The following SBSPON variants were observed in gnomAD, a reference collection of about 807,000 sequenced individuals.
SBSPON encodes somatomedin B and thrombospondin type 1 domain containing, also known as somatomedin-B and thrombospondin type-1 domain-containing protein.
Under a neutral mutation model 35.8 loss-of-function variants are expected in SBSPON, and 30 were observed. The observed-to-expected ratio is 0.84, with a 90% confidence interval of 0.63 to 1.14. The LOEUF (loss-of-function observed/expected upper bound fraction) is 1.14. Ranked by LOEUF, SBSPON falls within the 50% of genes most tolerant of loss-of-function variation. SBSPON has a pLI of 0.00. For missense variants in SBSPON, 364 were observed against 357.7 expected (o/e 1.02, Z -0.14); for synonymous variants, 136 against 135.9 (o/e 1.00, Z 0.00).
chr8:73,072,975 G>A (rs1332929104), intron 2 of SBSPON, among the ~76,000 whole-genome samples: 2 of 152,088 alleles, frequency 1.3e-5, no homozygotes, highest in African/African-American at 2.4e-5. Flanking sequence ...TATTGTGTTT[G>A]TGTGTCTCCT....
intron 3 of SBSPON, among the ~76,000 whole-genome samples, chr8:73,070,481 C>T (rs1025380938): frequency 6.6e-6 from 1 of 152,228 alleles, no homozygotes; most frequent in African/African-American, 2.4e-5. Flanking sequence ...CTTCCCCACC[C>T]TCTCCACCCA....
intron 4 of SBSPON, among the ~76,000 whole-genome samples, chr8:73,068,780 C>G (rs1050270794): frequency 1.3e-5 from 2 of 152,208 alleles, no homozygotes; most frequent in Non-Finnish European, 2.9e-5. Flanking sequence ...CAGGGGTCCC[C>G]AAACTAGGAC....
chr8:73,077,863 C>G (rs946699709), intron 2 of SBSPON, among the ~76,000 whole-genome samples: 1 of 152,218 alleles, frequency 6.6e-6, no homozygotes, highest in Non-Finnish European at 1.5e-5. Context: ...CAAATCCTCT[C>G]TCTCTCTTAT....
intron 1 of SBSPON, among the ~76,000 whole-genome samples, chr8:73,086,955 G>A (rs1032911001): frequency 2.0e-5 from 3 of 152,166 alleles, no homozygotes; most frequent in Non-Finnish European, 4.4e-5. Context: ...TGAAGCCATG[G>A]ATAACATCAC....
chr8:73,093,129 G>T lies in SBSPON; in HGVS notation c.-62C>A. ...CCCCGGGGCAAGCGCTCTGATCCTC[G>T]GCTGGCCGCGGCCCGGGAGCTGCCC... On this transcript the variant is annotated 5_prime_UTR_variant, in exon 1 of 5. Coordinates refer to ENST00000297354, the MANE Select transcript of SBSPON (RefSeq NM_153225.4). 1 of 924,038 alleles carries T rather than the reference G, an allele frequency of 1.1e-6. No homozygotes were observed. The highest frequency in any genetic ancestry group is 1.4e-6 in the Non-Finnish European group (1 of 713,872). 57.2% of individuals were successfully genotyped at this position (924,038 alleles called of 1,614,324 possible). A position where few individuals can be genotyped will look rare whatever the true frequency, so the allele number is the denominator to read the frequency against.
chr8:73,071,045 G>A (rs1810484679), intron 3 of SBSPON, among the ~76,000 whole-genome samples: 1 of 152,116 alleles, frequency 6.6e-6, no homozygotes, highest in Non-Finnish European at 1.5e-5. Context: ...TCATAGAGAT[G>A]GGGTTCTCAC....
Position 73,093,117 on chromosome 8 carries a change from G to C in SBSPON, c.-50C>G. 1.9e-6 allele frequency: 2 copies of C among 1,069,544 alleles called. No individual in the cohort carries two copies. Among genetic ancestry groups the C allele is most frequent in the Non-Finnish European group, 2.4e-6 (2 of 834,700 alleles). 66.3% of individuals were successfully genotyped at this position (1,069,544 alleles called of 1,614,324 possible). On this transcript the variant is annotated 5_prime_UTR_variant, in exon 1 of 5. Transcript: ENST00000297354. Reference sequence around the variant, plus strand: ...GACGCGACAGACCCCCGGGGCAAGCGCTCTGATCCTCGGCTGGCCGCGGCC... The same window carrying C: ...GACGCGACAGACCCCCGGGGCAAGCCCTCTGATCCTCGGCTGGCCGCGGCC...
intron 1 of SBSPON, among the ~76,000 whole-genome samples, chr8:73,086,247 G>A (rs1159686076): frequency 2.0e-5 from 3 of 151,246 alleles, no homozygotes; most frequent in South Asian, 2.1e-4. Context: ...TGCAACCTCC[G>A]CCTCCTGAGT....
At chr8:73,086,398 G>A (rs556950550) in intron 1 of SBSPON, among the ~76,000 whole-genome samples, 1 of 152,216 alleles carries the variant, frequency 6.6e-6, no homozygotes, top group Admixed American at 6.5e-5. Flanking sequence ...CTGACTTCAG[G>A]TGATCCTTCC....
intron 2 of SBSPON, among the ~76,000 whole-genome samples, chr8:73,079,665 G>T (rs1401113219): frequency 1.3e-5 from 2 of 151,830 alleles, no homozygotes; most frequent in African/African-American, 4.8e-5. Context: ...CCCCAAGACC[G>T]AGGGGAATCA....
intron 1 of SBSPON, among the ~76,000 whole-genome samples, chr8:73,090,114 G>A (rs1373796222): frequency 1.3e-5 from 2 of 152,196 alleles, no homozygotes; most frequent in Admixed American, 6.5e-5. Flanking sequence ...CTGAGCTCAG[G>A]CAATCCATCT....
At chr8:73,075,252 T>C (rs7015175) in intron 2 of SBSPON, among the ~76,000 whole-genome samples, 103,041 of 152,088 alleles carry the variant, frequency 0.68, 35,828 homozygotes, top group East Asian at 0.87. Flanking sequence ...GCAAGCCAGG[T>C]ACCCAGGGCT....
chr8:73,072,624 G>A (rs141324224), intron 2 of SBSPON, among the ~76,000 whole-genome samples: 13 of 152,290 alleles, frequency 8.5e-5, no homozygotes, highest in African/African-American at 1.4e-4. Flanking sequence ...AGCCGACATC[G>A]CGCCCCTGCA....
intron 1 of SBSPON, among the ~76,000 whole-genome samples, chr8:73,092,157 A>C (rs1810946948): frequency 6.6e-6 from 1 of 152,222 alleles, no homozygotes; most frequent in Non-Finnish European, 1.5e-5. Context: ...GTTGAAAAAG[A>C]CTGACCCTAA....
chr8:73,069,748 G>T, intron 4 of SBSPON, 57 bp downstream of exon 4: 1 of 1,416,682 alleles, frequency 7.1e-7, no homozygotes, highest in Non-Finnish European at 1.0e-6. Context: ...ACATGGAGAG[G>T]ACAGATTTCT....
At chr8:73,073,035 C>G (rs1810527508) in intron 2 of SBSPON, among the ~76,000 whole-genome samples, 1 of 152,176 alleles carries the variant, frequency 6.6e-6, no homozygotes, top group South Asian at 2.1e-4. Context: ...ATAATAACAC[C>G]TATAGGTGTC....
At chr8:73,074,485 C>T (rs776124041) in intron 2 of SBSPON, 1 of 470,930 alleles carries the variant, frequency 2.1e-6, no homozygotes, top group Non-Finnish European at 2.8e-6. Flanking sequence ...AAAATTATGG[C>T]ACAGAGAGGT....
At position 73,069,830 on chromosome 8, in the gene SBSPON, AACAACGAAGGCTC is replaced by A; in HGVS notation, c.639_651del (p.Ser214LeufsTer33). On this transcript the variant is annotated frameshift_variant, in exon 4 of 5. Coordinates refer to ENST00000297354, the MANE Select transcript of SBSPON (RefSeq NM_153225.4). LOFTEE classifies it high-confidence loss of function. ...CCATCGGAGTCCAGGCCATCTCCAG[AACAACGAAGGCTC>A]ACAGAGTTCATAGCTGGAGGCTGAC... 1 of 1,614,108 alleles carries A rather than the reference AACAACGAAGGCTC, an allele frequency of 6.2e-7. No homozygotes were observed. Among genetic ancestry groups the A allele is most frequent in the Non-Finnish European group, 8.5e-7 (1 of 1,179,898 alleles).
At chr8:73,070,191 G>A (rs2129988030) in intron 3 of SBSPON, among the ~76,000 whole-genome samples, 1 of 152,236 alleles carries the variant, frequency 6.6e-6, no homozygotes, top group East Asian at 1.9e-4. Context: ...AAGAACCTTT[G>A]TGCCCTTTTT....
Sources: gnomAD v4.1 joint callset for allele counts (sites outside exome capture counted in the v4.1 genomes callset) on GRCh38, gnomAD v4.1.1 for gene constraint, MANE v1.5 for transcripts, NCBI Gene and HGNC (gene_info 2026-07-23, HGNC 2026-07-21) for gene names.